Variants in TCF20 observed in about 807,000 individuals in gnomAD.
TCF20 encodes SPRE-binding protein.
In TCF20, 3 loss-of-function variants were observed where a neutral mutation model predicts 148.6. That is an observed-to-expected ratio of 0.02 (90% CI 0.01 to 0.05). The LOEUF (loss-of-function observed/expected upper bound fraction) is 0.05, where lower values mean the gene tolerates loss of function less well. Among genes scored for constraint, TCF20 ranks in the 10% least tolerant of loss-of-function variants. TCF20 has a pLI of 1.00. For synonymous variants in TCF20, 1,049 were observed against 909.5 expected (o/e 1.15, Z -2.76); for missense variants, 2,350 against 2,429.3 (o/e 0.97, Z 0.69).
chr22:42,271,421 G>T (rs924596553), upstream of TCF20, among the ~76,000 whole-genome samples: 7 of 152,228 alleles, frequency 4.6e-5, no homozygotes, highest in Non-Finnish European at 1.0e-4. Context: ...GCGGTGCCAA[G>T]GCCTCAGCTT....
chr22:42,180,244 T>C, intron 2 of TCF20, among the ~76,000 whole-genome samples: 1 of 152,226 alleles, frequency 6.6e-6, no homozygotes, highest in Non-Finnish European at 1.5e-5. Context: ...GCCCAATACA[T>C]TTCCCTTTTC....
intron 1 of TCF20, among the ~76,000 whole-genome samples, chr22:42,256,135 TG>T (rs1205012533): frequency 6.6e-6 from 1 of 152,162 alleles, no homozygotes; most frequent in Non-Finnish European, 1.5e-5. Context: ...TTCCCATACT[TG>T]ATCAGGAGGG....
At chr22:42,283,415 C>T (rs145184775) in intron 1 of TCF20, among the ~76,000 whole-genome samples, 3,962 of 151,632 alleles carry the variant, frequency 0.026, 190 homozygotes, top group African/African-American at 0.091. Flanking sequence ...GGATCTGGAC[C>T]GGAGGGGACG....
chr22:42,339,123 A>G (rs1369853115), intron 1 of TCF20, among the ~76,000 whole-genome samples: 1 of 152,212 alleles, frequency 6.6e-6, no homozygotes, highest in Non-Finnish European at 1.5e-5. Context: ...AGTCCGGACC[A>G]AAGACACACA....
Position 42,317,474 on chromosome 22 carries a change from G to C in TCF20, c.-37+26005C>G, listed in dbSNP as rs1366132174. Among the ~76,000 whole-genome samples the C allele has an allele frequency of 6.6e-6, 1 of 152,168 alleles. No individual in the cohort carries two copies. Among genetic ancestry groups the C allele is most frequent in the African/African-American group, 2.4e-5 (1 of 41,422 alleles). ...CCTCCCACTATGTCTGGCCCACCAA[G>C]CCCACCTAGGCCCTTCCCCAGTGTC... On this transcript the variant is annotated intron_variant, in intron 1 of 1. Transcript: ENST00000515426. This position sits in a 1 kb window ranked among gnomAD's most constrained non-coding sequence, Gnocchi z 4.2.
intron 1 of TCF20, among the ~76,000 whole-genome samples, chr22:42,331,182 G>A (rs978875755): frequency 4.6e-5 from 7 of 152,210 alleles, no homozygotes; most frequent in African/African-American, 1.4e-4. Context: ...GCCGCGGAGC[G>A]CGACTGTCAA....
intron 1 of TCF20, among the ~76,000 whole-genome samples, chr22:42,334,710 T>C (rs1928036355): frequency 6.6e-6 from 1 of 152,098 alleles, no homozygotes; most frequent in South Asian, 2.1e-4. Context: ...CTCACAAGGG[T>C]GGAATAGTCA....
chr22:42,195,887 C>A lies in TCF20; in HGVS notation c.5655+13764G>T, dbSNP rs369800566. Among the ~76,000 whole-genome samples, 4 of 152,332 alleles carry A rather than the reference C, an allele frequency of 2.6e-5. No homozygotes were observed. In the East Asian group the frequency reaches 7.7e-4, roughly 29 times the overall value. On this transcript the variant is annotated intron_variant, in intron 2 of 5. Transcript: ENST00000677622. ...TGGAGGTTACATTGCTTCTACGTGT[C>A]TCTTAAAGAACCTGTCAGTCACAAA...
intron 1 of TCF20, among the ~76,000 whole-genome samples, chr22:42,318,922 G>A (rs1349354860): frequency 2.6e-5 from 4 of 152,208 alleles, no homozygotes; most frequent in Non-Finnish European, 5.9e-5. Context: ...GCCAGCAGAG[G>A]CACCTGCCCA....
intron 2 of TCF20, among the ~76,000 whole-genome samples, chr22:42,182,302 T>C (rs139775151): frequency 2.4e-4 from 36 of 152,322 alleles, no homozygotes; most frequent in Admixed American, 1.3e-4. Flanking sequence ...ACTCACCTCA[T>C]AGAAATGTCA....
chr22:42,204,982 G>C (rs1157004586), intron 2 of TCF20, among the ~76,000 whole-genome samples: 1 of 152,180 alleles, frequency 6.6e-6, no homozygotes, highest in East Asian at 1.9e-4. Flanking sequence ...AGGGGAACAA[G>C]CAAAGACTCC....
rs560724287 is a variant in TCF20 at position 42,189,364 on chromosome 22, C to T, written c.5656-9662G>A. ...CAGCAGGATTCTGATGAGGTGAGCA[C>T]ACACGTGGCACCTGCTCTAAATGCT... On this transcript the variant is annotated intron_variant, in intron 2 of 5. Coordinates refer to ENST00000677622, the MANE Select transcript of TCF20 (RefSeq NM_001378418.1). Among the ~76,000 whole-genome samples the T allele has an allele frequency of 2.0e-5, 3 of 152,312 alleles. No individual in the cohort carries two copies. The South Asian group carries it at 6.2e-4, about 32-fold the overall frequency.
Position 42,338,425 on chromosome 22 carries a change from G to A in TCF20, c.-37+5054C>T, listed in dbSNP as rs933240743. Among the ~76,000 whole-genome samples the A allele has an allele frequency of 0.013, 1 of 76 alleles. No individual in the cohort carries two copies. Among genetic ancestry groups the A allele is most frequent in the Non-Finnish European group, 0.029 (1 of 34 alleles). 0.0% of individuals were successfully genotyped at this position (76 alleles called of 152,430 possible). A position where few individuals can be genotyped will look rare whatever the true frequency, so the allele number is the denominator to read the frequency against. On this transcript the variant is annotated intron_variant, in intron 1 of 1. Transcript: ENST00000515426. The surrounding 1 kb of genome is among the most constrained non-coding windows in gnomAD (Gnocchi z 4.0). ...AATGGCAGCGCAGAGTCGGGAGGGGGGTGCCCAGGGGGCCTCAGCAGAGCC... is the reference window on the plus strand; with the variant it reads ...AATGGCAGCGCAGAGTCGGGAGGGGAGTGCCCAGGGGGCCTCAGCAGAGCC...
At chr22:42,194,666 G>C (rs1324563797) in intron 2 of TCF20, among the ~76,000 whole-genome samples, 1 of 152,252 alleles carries the variant, frequency 6.6e-6, no homozygotes, top group South Asian at 2.1e-4. Context: ...GTTCAGAGCA[G>C]AGAACTAAGA....
chr22:42,200,865 C>T (rs768599860), intron 2 of TCF20, among the ~76,000 whole-genome samples: 1 of 152,154 alleles, frequency 6.6e-6, no homozygotes, highest in Non-Finnish European at 1.5e-5. Context: ...GACTTACACG[C>T]TTAGAAATCA....
At position 42,236,451 on chromosome 22, in the gene TCF20, C is replaced by T. The variant is rs550416648; in HGVS notation, c.-36-21110G>A. On this transcript the variant is annotated intron_variant, in intron 1 of 5. Transcript: ENST00000677622. ...ATGAAGAATGCCGACGGAGCGCATT[C>T]TTAATCTATATGGCAAGAACTACAA... Among the ~76,000 whole-genome samples the T allele has an allele frequency of 2.2e-4, 33 of 152,244 alleles. No individual in the cohort carries two copies. In the East Asian group the frequency reaches 2.9e-3, roughly 13 times the overall value.
chr22:42,212,653 G>A lies in TCF20; in HGVS notation c.2653C>T (p.Leu885=). The A allele has an allele frequency of 6.2e-7, 1 of 1,614,224 alleles. No homozygotes were observed. The highest frequency in any genetic ancestry group is 1.3e-5 in the African/African-American group (1 of 75,050). ...QIVRDPGAHS[L]GHMSADTRIG... is the part of the protein sequence containing the mutation. The stretch of plus-strand genomic sequence containing the variant: ...CTGGTGTCGGCACTCATGTGTCCCA[G>A]TGAGTGAGCCCCTGGGTCCCTGACA... The change falls in exon 2 of 6, where the codon CTG becomes TTG. Residue 885 remains leucine (L), a synonymous_variant. Coordinates refer to ENST00000677622, the MANE Select transcript of TCF20 (RefSeq NM_001378418.1).
At chr22:42,200,085 A>G (rs1239003406) in intron 2 of TCF20, among the ~76,000 whole-genome samples, 1 of 152,250 alleles carries the variant, frequency 6.6e-6, no homozygotes, top group Non-Finnish European at 1.5e-5. Context: ...AAAAGCAAGC[A>G]GTTATTTAAA....
intron 2 of TCF20, among the ~76,000 whole-genome samples, chr22:42,201,592 A>G (rs1262537899): frequency 2.0e-5 from 3 of 152,012 alleles, no homozygotes; most frequent in Non-Finnish European, 4.4e-5. Context: ...ACATGGTGAA[A>G]CCCCGTCTCT....
Sources: gnomAD v4.1 joint callset for allele counts (sites outside exome capture counted in the v4.1 genomes callset) on GRCh38, gnomAD v4.1.1 for gene constraint, Gnocchi (gnomAD v3.1) non-coding constraint, MANE v1.5 for transcripts, NCBI Gene and HGNC (gene_info 2026-07-23, HGNC 2026-07-21) for gene names.